The following MYO1E variants were observed in gnomAD, a reference collection of about 807,000 sequenced individuals.
MYO1E encodes the protein unconventional myosin-Ie.
Under a neutral mutation model 151.1 loss-of-function variants are expected in MYO1E, and 68 were observed. The observed-to-expected ratio is 0.45, with a 90% CI of 0.37 to 0.55. MYO1E has a LOEUF of 0.55. Ranked by LOEUF, MYO1E falls within the 20% of genes least tolerant of loss-of-function variation. The pLI, the probability that MYO1E is intolerant of heterozygous loss-of-function variation, is 0.00. For missense variants in MYO1E, 1,363 were observed against 1,389.3 expected (o/e 0.98, Z 0.30); for synonymous variants, 601 against 501.7 (o/e 1.20, Z -2.64).
intron 4 of MYO1E, among the ~76,000 whole-genome samples, chr15:59,253,481 GTTTTTTTTT>G (rs5812967): frequency 7.9e-6 from 1 of 126,938 alleles, no homozygotes; most frequent in African/African-American, 3.0e-5. Flanking sequence ...GTCTGATCGA[GTTTTTTTTT>G]TTTTTTTTTT....
intron 1 of MYO1E, among the ~76,000 whole-genome samples, chr15:59,310,065 G>A (rs1333564836): frequency 1.3e-5 from 2 of 152,032 alleles, no homozygotes; most frequent in East Asian, 3.9e-4. Context: ...TCGTCTTTTT[G>A]GTCAGTTCTC....
chr15:59,222,555 T>C (rs181259778), intron 9 of MYO1E, among the ~76,000 whole-genome samples: 2 of 152,364 alleles, frequency 1.3e-5, no homozygotes, highest in Non-Finnish European at 2.9e-5. Flanking sequence ...TCCATCTTTT[T>C]CTGTGTTCAG....
intron 5 of MYO1E, among the ~76,000 whole-genome samples, chr15:59,234,320 T>G (rs2080048970): frequency 6.6e-6 from 1 of 152,096 alleles, no homozygotes; most frequent in Non-Finnish European, 1.5e-5. Flanking sequence ...ATATTCTCAG[T>G]TTTAAAGTCT....
chr15:59,344,779 C>A (rs1314805173), intron 1 of MYO1E, among the ~76,000 whole-genome samples: 1 of 152,188 alleles, frequency 6.6e-6, no homozygotes, highest in Non-Finnish European at 1.5e-5. Context: ...TTCTCCACCC[C>A]ACAGGCCCAC....
intron 17 of MYO1E, among the ~76,000 whole-genome samples, chr15:59,191,301 C>T (rs1247638426): frequency 7.0e-6 from 1 of 143,188 alleles, no homozygotes; most frequent in Non-Finnish European, 1.5e-5. Flanking sequence ...TAAATATCCA[C>T]CTTTGCCCAT....
rs149100745 is a variant in MYO1E, at chr15:59,282,143, T to C, written c.4-9694A>G. On this transcript the variant is annotated intron_variant, in intron 1 of 27. Transcript: ENST00000288235. ...CCATAGGGAATTTAAATAACTTCTG[T>C]TCGATTTCCCAAATGCATTTTACTC... 7.7e-4 allele frequency among the ~76,000 whole-genome samples: 118 copies of C among 152,310 alleles called. 1 individual carries two copies. The East Asian group carries it at 0.019, about 25-fold the overall frequency.
intron 26 of MYO1E, among the ~76,000 whole-genome samples, chr15:59,149,283 C>A (rs1488109411): frequency 6.6e-6 from 1 of 152,044 alleles, no homozygotes; most frequent in East Asian, 1.9e-4. Flanking sequence ...GTCTTGATCT[C>A]CTGACCTCGT....
chr15:59,186,729 T>C (rs1008904792), intron 18 of MYO1E, among the ~76,000 whole-genome samples: 4 of 152,228 alleles, frequency 2.6e-5, no homozygotes, highest in African/African-American at 4.8e-5. Flanking sequence ...TCCTGAGTAA[T>C]AGAGCAAGAC....
intron 1 of MYO1E, among the ~76,000 whole-genome samples, chr15:59,338,616 C>T (rs1358330162): frequency 6.6e-6 from 1 of 152,152 alleles, no homozygotes; most frequent in Non-Finnish European, 1.5e-5. Context: ...TCCAACCACC[C>T]TGCTAAGCTG....
At chr15:59,366,084 TTC>T (rs1239811583) in intron 1 of MYO1E, among the ~76,000 whole-genome samples, 28 of 152,236 alleles carry the variant, frequency 1.8e-4, no homozygotes, top group Non-Finnish European at 2.9e-5. Context: ...GTTCAAGTGA[TTC>T]TCTCTGCCTC....
chr15:59,153,037 T>C (rs1267954119), intron 26 of MYO1E, among the ~76,000 whole-genome samples: 2 of 152,210 alleles, frequency 1.3e-5, no homozygotes, highest in African/African-American at 4.8e-5. Flanking sequence ...TCTTTTAATA[T>C]CTACACAGAG....
rs148881923 is a variant in MYO1E, at chr15:59,174,266, G to A, written c.2050-26C>T. 3.4e-4 allele frequency: 531 copies of A among 1,541,700 alleles called. 4 individuals carry two copies. The East Asian group carries it at 0.011, about 32-fold the overall frequency. Reference sequence around the variant, plus strand: ...CTGTGAATGGAGAGAAGACAAATGTGAGCCAAGCCCCAAGCCCCAATCCCT... The same window carrying A: ...CTGTGAATGGAGAGAAGACAAATGTAAGCCAAGCCCCAAGCCCCAATCCCT... On this transcript the variant is annotated intron_variant, in intron 19 of 27. Transcript: ENST00000288235.
chr15:59,283,700 G>A (rs1448356756), intron 1 of MYO1E, among the ~76,000 whole-genome samples: 1 of 152,210 alleles, frequency 6.6e-6, no homozygotes, highest in Non-Finnish European at 1.5e-5. Flanking sequence ...TCACGAGGCA[G>A]GAAACTGAGT....
At chr15:59,234,283 CGGATGGATGGAT>C (rs1461046657) in intron 5 of MYO1E, among the ~76,000 whole-genome samples, 1 of 146,284 alleles carries the variant, frequency 6.8e-6, no homozygotes, top group East Asian at 1.9e-4. Flanking sequence ...GATGGATGCA[CGGATGGATGGAT>C]GGATGGATCC....
chr15:59,342,636 C>T (rs2080772404), intron 1 of MYO1E, among the ~76,000 whole-genome samples: 2 of 152,084 alleles, frequency 1.3e-5, no homozygotes, highest in African/African-American at 4.8e-5. Flanking sequence ...ATAAGTGAGG[C>T]CTTACTCCTG....
intron 2 of MYO1E, among the ~76,000 whole-genome samples, chr15:59,268,720 A>ATTTTTTTTTTTTTTTTTTTT (rs398027512): frequency 0.032 from 1,449 of 44,856 alleles, 530 homozygotes; most frequent in Non-Finnish European, 0.046. Flanking sequence ...TGACTTTGGT[A>ATTTTTTTTTTTTTTTTTTTT]TTTTTTTTTT....
intron 22 of MYO1E, among the ~76,000 whole-genome samples, chr15:59,164,343 T>C (rs2079553155): frequency 6.6e-6 from 1 of 152,234 alleles, no homozygotes; most frequent in African/African-American, 2.4e-5. Flanking sequence ...TTAGGGATTG[T>C]AAGCATTTTC....
intron 17 of MYO1E, among the ~76,000 whole-genome samples, chr15:59,191,972 G>A (rs1034223089): frequency 9.2e-5 from 14 of 152,120 alleles, no homozygotes; most frequent in African/African-American, 2.9e-4. Context: ...AAACAAAAAC[G>A]CATTTGCAAC....
chr15:59,221,448 A>G (rs4775134), intron 9 of MYO1E, among the ~76,000 whole-genome samples: 148,023 of 152,280 alleles, frequency 0.97, 72,087 homozygotes, highest in East Asian at 1. Context: ...CAAGAGACTG[A>G]GAATCTTGGT....
Sources: gnomAD v4.1 joint callset for allele counts (sites outside exome capture counted in the v4.1 genomes callset) on GRCh38, gnomAD v4.1.1 for gene constraint, MANE v1.5 for transcripts, NCBI Gene and HGNC (gene_info 2026-07-23, HGNC 2026-07-21) for gene names.